CSMD1: variants seen among roughly 807,000 people sequenced by gnomAD.
CSMD1 encodes CUB and Sushi multiple domains 1, also known as CUB and sushi domain-containing protein 1.
In CSMD1, 213 loss-of-function variants were observed where a neutral mutation model predicts 417.5. The observed-to-expected ratio is 0.51, with a 90% confidence interval of 0.46 to 0.57. CSMD1 has a LOEUF of 0.57. CSMD1 is among the 20% of genes least tolerant of loss of function. CSMD1 has a pLI of 0.00. For missense variants in CSMD1, 6,923 were observed against 4,529.7 expected, an observed-to-expected ratio of 1.53 and a Z score of -15.17; for synonymous variants, 2,862 against 1,736.8, an observed-to-expected ratio of 1.65 and a Z score of -16.11.
intron 12 of CSMD1, among the ~76,000 whole-genome samples, chr8:3,452,376 G>A (rs1165032813): frequency 6.6e-6 from 1 of 152,134 alleles, no homozygotes; most frequent in Non-Finnish European, 1.5e-5. Flanking sequence ...GGTGAGAGAG[G>A]GCACTCCTGT....
chr8:3,752,239 AT>A (rs11309691), intron 6 of CSMD1, among the ~76,000 whole-genome samples: 13,790 of 152,272 alleles, frequency 0.091, 733 homozygotes, highest in Middle Eastern at 0.13. Context: ...GGGAAAGCAC[AT>A]TAATTTCACT....
rs370628522 is a variant in CSMD1 at position 2,991,313 on chromosome 8, C to A, written c.8377+6698G>T. Among the ~76,000 whole-genome samples, 3 of 152,260 alleles carry A rather than the reference C, an allele frequency of 2.0e-5. 1 individual carries two copies. Among genetic ancestry groups the A allele is most frequent in the Admixed American group, 6.5e-5 (1 of 15,286 alleles). Reference sequence around the variant, plus strand: ...ATATACATTATTTAAATTTCTGTAACAGGGTAAGGACTAAAACACACTAAA... The same window carrying A: ...ATATACATTATTTAAATTTCTGTAAAAGGGTAAGGACTAAAACACACTAAA... On this transcript the variant is annotated intron_variant, in intron 54 of 69. Transcript: ENST00000635120.
At chr8:3,697,254 T>A (rs934561360) in intron 7 of CSMD1, among the ~76,000 whole-genome samples, 82 of 152,208 alleles carry the variant, frequency 5.4e-4, no homozygotes, top group African/African-American at 1.9e-3. Flanking sequence ...CATGATTCTG[T>A]AATTCTGTAA....
chr8:3,721,257 T>C (rs1802154775), intron 6 of CSMD1, among the ~76,000 whole-genome samples: 1 of 152,198 alleles, frequency 6.6e-6, no homozygotes. Context: ...TTTTTCCTTT[T>C]ATAAGCAGCA....
intron 18 of CSMD1, among the ~76,000 whole-genome samples, chr8:3,384,997 C>T (rs1466031312): frequency 2.2e-5 from 2 of 91,060 alleles, no homozygotes; most frequent in African/African-American, 4.4e-5. Context: ...AATACATATG[C>T]TATTTATATA....
At chr8:4,197,082 G>A (rs1585004177) in intron 3 of CSMD1, among the ~76,000 whole-genome samples, 1 of 152,142 alleles carries the variant, frequency 6.6e-6, no homozygotes, top group Admixed American at 6.5e-5. Context: ...TATGGGAAAT[G>A]AAACATCAAG....
chr8:4,562,934 C>A (rs540547794), intron 2 of CSMD1, among the ~76,000 whole-genome samples: 2 of 152,256 alleles, frequency 1.3e-5, no homozygotes, highest in South Asian at 4.1e-4. Context: ...AAAATTAACT[C>A]TACTTTCTTA....
At chr8:4,943,758 G>A (rs1005195328) in intron 1 of CSMD1, among the ~76,000 whole-genome samples, 2 of 152,168 alleles carry the variant, frequency 1.3e-5, no homozygotes, top group African/African-American at 4.8e-5. Flanking sequence ...AAGGACTTTG[G>A]TAAGTTACTT....
intron 1 of CSMD1, among the ~76,000 whole-genome samples, chr8:4,794,128 G>A (rs1000489073): frequency 6.6e-6 from 1 of 152,030 alleles, no homozygotes. Context: ...CTCATATAAT[G>A]CTTTATTCTC....
intron 3 of CSMD1, among the ~76,000 whole-genome samples, chr8:4,239,194 G>C (rs901636868): frequency 2.6e-5 from 4 of 152,256 alleles, no homozygotes; most frequent in East Asian, 1.9e-4. Flanking sequence ...TCTTACATTA[G>C]AGATACAGTT....
intron 2 of CSMD1, among the ~76,000 whole-genome samples, chr8:4,429,549 G>C (rs922260668): frequency 3.3e-5 from 5 of 152,156 alleles, no homozygotes; most frequent in African/African-American, 4.8e-5. Flanking sequence ...AAAAGCGTGA[G>C]ACTCATTACA....
At chr8:4,199,875 A>G (rs1235255199) in intron 3 of CSMD1, among the ~76,000 whole-genome samples, 1 of 152,160 alleles carries the variant, frequency 6.6e-6, no homozygotes, top group Non-Finnish European at 1.5e-5. Context: ...CCATGACAAT[A>G]TTTTTAGGCC....
chr8:3,798,750 G>C (rs925412293), intron 5 of CSMD1, among the ~76,000 whole-genome samples: 1 of 151,966 alleles, frequency 6.6e-6, no homozygotes. Context: ...CTATAGATCA[G>C]TATTTAGAAA....
chr8:3,718,020 T>C (rs539757272), intron 6 of CSMD1, among the ~76,000 whole-genome samples: 7 of 152,304 alleles, frequency 4.6e-5, no homozygotes, highest in Middle Eastern at 3.4e-3. Flanking sequence ...AACTAAAGCC[T>C]CTCTGCCCAC....
chr8:4,875,783 A>G (rs1406717129), intron 1 of CSMD1, among the ~76,000 whole-genome samples: 1 of 152,088 alleles, frequency 6.6e-6, no homozygotes, highest in African/African-American at 2.4e-5. Flanking sequence ...GGGAACTCTA[A>G]GATATAATGG....
At chr8:3,309,524 AT>A (rs1353467154) in intron 23 of CSMD1, among the ~76,000 whole-genome samples, 2 of 152,206 alleles carry the variant, frequency 1.3e-5, no homozygotes, top group African/African-American at 4.8e-5. Context: ...AGAGCTGTAT[AT>A]TCCTTTTATG....
At chr8:3,024,958 C>T (rs911481283) in intron 51 of CSMD1, among the ~76,000 whole-genome samples, 2 of 152,296 alleles carry the variant, frequency 1.3e-5, no homozygotes, top group South Asian at 2.1e-4. Context: ...TGCCCTAAAA[C>T]TGTGTATTGT....
intron 3 of CSMD1, among the ~76,000 whole-genome samples, chr8:4,263,120 T>A (rs1803998967): frequency 6.6e-6 from 1 of 152,148 alleles, no homozygotes; most frequent in Admixed American, 6.5e-5. Flanking sequence ...TTCTTGTGGG[T>A]GATATCACTT....
intron 10 of CSMD1, among the ~76,000 whole-genome samples, chr8:3,535,572 T>C (rs923281957): frequency 6.6e-6 from 1 of 151,960 alleles, no homozygotes. Context: ...AGAAGAAGGA[T>C]GAGAAATTAC....
Sources: gnomAD v4.1 joint callset for allele counts (sites outside exome capture counted in the v4.1 genomes callset) on GRCh38, gnomAD v4.1.1 for gene constraint, MANE v1.5 for transcripts, NCBI Gene and HGNC (gene_info 2026-07-23, HGNC 2026-07-21) for gene names.